CIB4: variants seen among roughly 807,000 people sequenced by gnomAD.
The protein encoded by CIB4 is calcium and integrin-binding family member 4.
In CIB4, 25 loss-of-function variants were observed where a neutral mutation model predicts 25.8. The ratio of observed to expected loss-of-function variants is 0.97; its 90% confidence interval spans 0.71 to 1.35. CIB4 has a LOEUF of 1.35. Ranked by LOEUF, CIB4 falls within the 40% of genes most tolerant of loss-of-function variation. The pLI is 0.00. For synonymous variants in CIB4, 75 were observed against 81.4 expected, an observed-to-expected ratio of 0.92 and a Z score of 0.42; for missense variants, 235 against 228.2, an observed-to-expected ratio of 1.03 and a Z score of -0.19.
chr2:26,594,857 A>C (rs1429588030), intron 4 of CIB4, among the ~76,000 whole-genome samples: 1 of 152,208 alleles, frequency 6.6e-6, no homozygotes, highest in Non-Finnish European at 1.5e-5. Flanking sequence ...TCCTTCTGCC[A>C]AATAAGCATA....
chr2:26,620,018 A>G (rs373097707), intron 3 of CIB4, among the ~76,000 whole-genome samples: 1 of 150,342 alleles, frequency 6.7e-6, no homozygotes, highest in African/African-American at 2.5e-5. Context: ...AATCCCCTAC[A>G]GACTCTGCGA....
chr2:26,604,166 G>A (rs902174022), intron 3 of CIB4, among the ~76,000 whole-genome samples: 5 of 152,072 alleles, frequency 3.3e-5, no homozygotes, highest in Non-Finnish European at 5.9e-5. Context: ...GATCGCTTGA[G>A]CCCAGGAGTT....
intron 4 of CIB4, among the ~76,000 whole-genome samples, chr2:26,593,465 A>G (rs143824371): frequency 7.3e-4 from 104 of 143,142 alleles, no homozygotes; most frequent in African/African-American, 3.0e-3. Context: ...ACTCACATAC[A>G]TATACACATA....
rs1668399988 is a variant in CIB4 at position 26,583,864 on chromosome 2, A to G, written c.363T>C (p.Asp121=). 6.2e-7 allele frequency: 1 copy of G among 1,613,074 alleles called. No homozygotes were observed. Among genetic ancestry groups the G allele is most frequent in the South Asian group, 1.1e-5 (1 of 91,050 alleles). Residue 121 remains aspartate, a synonymous_variant, in exon 5 of 7, where the codon GAT becomes GAC. Coordinates refer to ENST00000288861, the MANE Select transcript of CIB4 (RefSeq NM_001029881.3). The part of the protein sequence containing the change: ...FNENGFIDEE[D]LQRIILRLLN... ...GCAGTCGCAGGATGATCCTCTGCAGATCCTCCTCATCAATGAAGCCATTCT... is the reference window on the plus strand; with the variant it reads ...GCAGTCGCAGGATGATCCTCTGCAGGTCCTCCTCATCAATGAAGCCATTCT...
At chr2:26,592,579 A>G (rs1163191958) in intron 4 of CIB4, among the ~76,000 whole-genome samples, 1 of 151,968 alleles carries the variant, frequency 6.6e-6, no homozygotes, top group Non-Finnish European at 1.5e-5. Context: ...GTCAGACTCC[A>G]CCTAGATACA....
At chr2:26,607,358 A>C (rs1668908993) in intron 3 of CIB4, among the ~76,000 whole-genome samples, 1 of 152,260 alleles carries the variant, frequency 6.6e-6, no homozygotes, top group African/African-American at 2.4e-5. Context: ...ATAACCAAAA[A>C]TCAATTGTCC....
intron 3 of CIB4, among the ~76,000 whole-genome samples, chr2:26,624,634 C>G (rs746925940): frequency 4.1e-5 from 6 of 146,890 alleles, no homozygotes; most frequent in Admixed American, 2.1e-4. Context: ...TTTTTAATGT[C>G]CTTACTTGGC....
intron 3 of CIB4, among the ~76,000 whole-genome samples, chr2:26,619,528 C>T (rs1045916438): frequency 6.6e-6 from 1 of 152,168 alleles, no homozygotes; most frequent in Non-Finnish European, 1.5e-5. Flanking sequence ...TGAAAGATCC[C>T]TTGCATCAAA....
chr2:26,589,066 C>T (rs12470657), intron 4 of CIB4, among the ~76,000 whole-genome samples: 3,771 of 45,278 alleles, frequency 0.083, 386 homozygotes, highest in East Asian at 0.16. Flanking sequence ...CTTCCTCTTC[C>T]TCTTCCTCTT....
chr2:26,589,651 T>G (rs1245894394), intron 4 of CIB4, among the ~76,000 whole-genome samples: 2 of 152,174 alleles, frequency 1.3e-5, no homozygotes, highest in African/African-American at 2.4e-5. Flanking sequence ...AAAGCCATTC[T>G]CCTGTCTTTC....
rs1280487987 is a variant in CIB4, at chr2:26,588,163, C to T, written c.329-4265G>A. Among the ~76,000 whole-genome samples the T allele has an allele frequency of 2.0e-5, 3 of 152,392 alleles. No individual in the cohort carries two copies. The South Asian group carries it at 6.2e-4, about 32-fold the overall frequency. The stretch of plus-strand genomic sequence containing the variant: ...ACCGTGGACAGCTGCAGTGACACTA[C>T]ACTGCTGCTGGGAACCTCTGCAGCC... On this transcript the variant is annotated intron_variant, in intron 4 of 6. Coordinates refer to ENST00000288861, the MANE Select transcript of CIB4 (RefSeq NM_001029881.3).
intron 3 of CIB4, among the ~76,000 whole-genome samples, chr2:26,626,521 T>C (rs1669309107): frequency 6.6e-6 from 1 of 152,092 alleles, no homozygotes; most frequent in African/African-American, 2.4e-5. Context: ...TAGACTAATA[T>C]ATCATTTTAA....
At chr2:26,638,697 A>T (rs1387711140) in intron 2 of CIB4, among the ~76,000 whole-genome samples, 1 of 152,202 alleles carries the variant, frequency 6.6e-6, no homozygotes. Context: ...TCACCCCTGT[A>T]ATCCCAGCAC....
chr2:26,602,444 CATAA>C (rs1166479043), intron 3 of CIB4, among the ~76,000 whole-genome samples: 2 of 151,858 alleles, frequency 1.3e-5, no homozygotes, highest in African/African-American at 4.8e-5. Context: ...TGAACAAATA[CATAA>C]ATAAATAACA....
chr2:26,613,153 C>G (rs1334837223), intron 3 of CIB4, among the ~76,000 whole-genome samples: 2 of 152,156 alleles, frequency 1.3e-5, no homozygotes, highest in African/African-American at 4.8e-5. Flanking sequence ...AGCCTGATCC[C>G]CCAGCTTATG....
At chr2:26,630,922 G>A (rs1669405940) in intron 2 of CIB4, among the ~76,000 whole-genome samples, 1 of 152,028 alleles carries the variant, frequency 6.6e-6, no homozygotes, top group African/African-American at 2.4e-5. Flanking sequence ...TGTGAGAGTG[G>A]GAGCCCACCA....
chr2:26,599,735 A>T (rs1244774943), intron 3 of CIB4, among the ~76,000 whole-genome samples: 1 of 151,930 alleles, frequency 6.6e-6, no homozygotes, highest in Non-Finnish European at 1.5e-5. Flanking sequence ...TTATTTTCTA[A>T]TCATACTTTA....
intron 3 of CIB4, among the ~76,000 whole-genome samples, chr2:26,618,216 G>A (rs981111279): frequency 6.6e-6 from 1 of 152,144 alleles, no homozygotes; most frequent in African/African-American, 2.4e-5. Flanking sequence ...ATATCCAGAG[G>A]AAAAGAGGCT....
intron 4 of CIB4, among the ~76,000 whole-genome samples, chr2:26,590,638 C>T (rs567539275): frequency 2.0e-5 from 3 of 152,294 alleles, no homozygotes; most frequent in African/African-American, 7.2e-5. Flanking sequence ...ACTTACTACG[C>T]AGGCTCAGGA....
Sources: allele counts gnomAD v4.1 joint callset (sites outside exome capture counted in the v4.1 genomes callset), GRCh38; gene constraint gnomAD v4.1.1; transcripts MANE v1.5; gene names NCBI Gene and HGNC (gene_info 2026-07-23, HGNC 2026-07-21).